Variants in CR1L observed in about 807,000 individuals in gnomAD.
The protein encoded by CR1L is complement C3b/C4b receptor 1 like, also known as complement component receptor 1-like protein.
In CR1L, 59 loss-of-function variants were observed where a neutral mutation model predicts 62.3. The observed-to-expected ratio is 0.95, with a 90% confidence interval of 0.77 to 1.18. The LOEUF is 1.18. Ranked by LOEUF, CR1L falls within the 50% of genes most tolerant of loss-of-function variation. The probability of loss-of-function intolerance (pLI) is 0.00; values close to 1 mark genes in which losing one functional copy is unlikely to be tolerated. For synonymous variants in CR1L, 279 were observed against 248.7 expected, an observed-to-expected ratio of 1.12 and a Z score of -1.15; for missense variants, 700 against 702.8, an observed-to-expected ratio of 1.00 and a Z score of 0.04.
At chr1:207,678,004 C>A (rs1255109884) in intron 2 of CR1L, among the ~76,000 whole-genome samples, 194 bp from the exon 3 acceptor site, 2 of 152,138 alleles carry the variant, frequency 1.3e-5, no homozygotes, top group Non-Finnish European at 2.9e-5. Context: ...TGAAACAGAT[C>A]TGAAAGGAAA....
At chr1:207,657,663 T>C (rs1007253565) in intron 1 of CR1L, among the ~76,000 whole-genome samples, 3 of 151,812 alleles carry the variant, frequency 2.0e-5, no homozygotes, top group Admixed American at 6.6e-5. Flanking sequence ...AATCTAAGAG[T>C]TCTGGCTTTG....
intron 1 of CR1L, chr1:207,658,808 C>T (rs10863451): frequency 0.43 from 65,194 of 152,240 alleles, 14,162 homozygotes; most frequent in Non-Finnish European, 0.46. Context: ...TGTCTCACCT[C>T]AGCACTGGCA....
At chr1:207,691,374 T>C (rs1268830962) in intron 4 of CR1L, among the ~76,000 whole-genome samples, 2 of 151,956 alleles carry the variant, frequency 1.3e-5, no homozygotes, top group Non-Finnish European at 1.5e-5. Flanking sequence ...TTCTTTGTCT[T>C]ATATTTAAAG....
rs532505670 is a variant in CR1L at position 207,697,671 on chromosome 1, G to C, written c.1031G>C (p.Arg344Thr). 170 of 1,614,004 alleles carry C rather than the reference G, an allele frequency of 1.1e-4. No homozygotes were observed. Among genetic ancestry groups the C allele is most frequent in the Middle Eastern group, 3.3e-4 (2 of 6,060 alleles). ...GGAGACTGGAGCCCTGCAGCCCCCA[G>C]ATGTGAAGGTGACTAGACTCTTATC... ...PQGDWSPAAP[R>T]CEVKSCDDFL... Residue 344 changes from arginine (R) to threonine (T), a missense_variant, in exon 6 of 12, where the codon AGA becomes ACA. By Grantham distance (71) the Arg-to-Thr change is moderately conservative (BLOSUM62 -1). Coordinates refer to ENST00000508064, the MANE Select transcript of CR1L (RefSeq NM_175710.2).
chr1:207,659,879 C>T (rs1663380644), intron 1 of CR1L, among the ~76,000 whole-genome samples: 1 of 152,264 alleles, frequency 6.6e-6, no homozygotes, highest in African/African-American at 2.4e-5. Context: ...AGGTCCCACG[C>T]CCACGGAGCC....
intron 1 of CR1L, among the ~76,000 whole-genome samples, chr1:207,675,160 A>AT (rs1462439418): frequency 1.3e-5 from 2 of 152,240 alleles, no homozygotes; most frequent in Non-Finnish European, 2.9e-5. Flanking sequence ...TACATATCTA[A>AT]TATCTTTTGA....
At chr1:207,692,723 T>G (rs1038887549) in intron 4 of CR1L, among the ~76,000 whole-genome samples, 1 of 151,236 alleles carries the variant, frequency 6.6e-6, no homozygotes, top group African/African-American at 2.4e-5. Context: ...CCCTTCTCTC[T>G]CTCTCTCTAC....
At chr1:207,669,149 C>T in intron 1 of CR1L, 1 of 264,644 alleles carries the variant, frequency 3.8e-6, no homozygotes, top group South Asian at 4.1e-5. Flanking sequence ...AAGCGCAGGG[C>T]CTCACACGCG....
At chr1:207,656,055 C>G (rs1377747928) in intron 1 of CR1L, among the ~76,000 whole-genome samples, 1 of 152,046 alleles carries the variant, frequency 6.6e-6, no homozygotes. Flanking sequence ...TGTCTAATAC[C>G]CTGAAACCCC....
chr1:207,706,868 C>T (rs1282278714), intron 9 of CR1L, among the ~76,000 whole-genome samples: 1 of 151,866 alleles, frequency 6.6e-6, no homozygotes, highest in African/African-American at 2.4e-5. Flanking sequence ...AACAAAAAAC[C>T]ATAAACACAA....
At chr1:207,679,282 G>A (rs1436425164) in intron 3 of CR1L, among the ~76,000 whole-genome samples, 2 of 150,370 alleles carry the variant, frequency 1.3e-5, no homozygotes, top group East Asian at 2.0e-4. Context: ...TGGGATTACA[G>A]GCATGAGCCA....
At chr1:207,672,263 G>A (rs901136149) in intron 1 of CR1L, among the ~76,000 whole-genome samples, 2 of 150,496 alleles carry the variant, frequency 1.3e-5, no homozygotes, top group African/African-American at 2.5e-5. Context: ...GACTTCAGAC[G>A]AAGGAAAATT....
chr1:207,682,129 A>G (rs1184000502), intron 3 of CR1L, among the ~76,000 whole-genome samples: 5 of 152,138 alleles, frequency 3.3e-5, no homozygotes, highest in African/African-American at 1.2e-4. Flanking sequence ...CATGTACCCC[A>G]GAACTTAAAG....
rs560518031 is a variant in CR1L at position 207,650,066 on chromosome 1, T to C, written c.97+4736T>C. ...GTCAAAAGTGGCTCTTGGGCCTCCC[T>C]TTGTTGTTTGAGCTAGAGTGACACA... On this transcript the variant is annotated intron_variant, in intron 1 of 11. Transcript: ENST00000508064. Among the ~76,000 whole-genome samples, 9 of 152,142 alleles carry C rather than the reference T, an allele frequency of 5.9e-5. No individual in the cohort carries two copies. The East Asian group carries it at 1.5e-3, about 26-fold the overall frequency.
At chr1:207,662,957 C>G (rs1663448611) in intron 1 of CR1L, among the ~76,000 whole-genome samples, 1 of 152,206 alleles carries the variant, frequency 6.6e-6, no homozygotes, top group Non-Finnish European at 1.5e-5. Flanking sequence ...GGCTGCAGAA[C>G]AGCGGATACT....
chr1:207,711,017 C>A (rs1343111549), intron 10 of CR1L, among the ~76,000 whole-genome samples: 1 of 152,196 alleles, frequency 6.6e-6, no homozygotes, highest in East Asian at 1.9e-4. Context: ...TTTGGACTCA[C>A]CTATTAATCA....
At position 207,718,818 on chromosome 1, in the gene CR1L, T is replaced by C. The variant is rs545039718; in HGVS notation, c.1642+1127T>C. On this transcript the variant is annotated intron_variant, in intron 11 of 11. Transcript: ENST00000508064. ...AAAGACACATGCACACGTATGTTTATTGCGGCATTATTCACAATAGCAAAG... is the reference window on the plus strand; with the variant it reads ...AAAGACACATGCACACGTATGTTTACTGCGGCATTATTCACAATAGCAAAG... Among the ~76,000 whole-genome samples, 236 of 151,816 alleles carry C rather than the reference T, an allele frequency of 1.6e-3. 1 individual carries two copies. The highest frequency in any genetic ancestry group is 5.5e-3 in the African/African-American group (228 of 41,352).
intron 1 of CR1L, among the ~76,000 whole-genome samples, chr1:207,662,071 C>G (rs1037825873): frequency 1.3e-5 from 2 of 152,116 alleles, no homozygotes; most frequent in African/African-American, 2.4e-5. Context: ...CTCTGGCTGC[C>G]CTTAACATTT....
chr1:207,682,159 T>A (rs531777745), intron 3 of CR1L, among the ~76,000 whole-genome samples: 1 of 152,130 alleles, frequency 6.6e-6, no homozygotes, highest in East Asian at 1.9e-4. Flanking sequence ...AATTAATTAA[T>A]TGATTAATTA....
Sources: gnomAD v4.1 joint callset for allele counts (sites outside exome capture counted in the v4.1 genomes callset) on GRCh38, gnomAD v4.1.1 for gene constraint, MANE v1.5 for transcripts, NCBI Gene and HGNC (gene_info 2026-07-23, HGNC 2026-07-21) for gene names.